Variants in TGFBR3 observed in about 807,000 individuals in gnomAD.
TGFBR3 encodes the protein transforming growth factor beta receptor type 3.
A neutral mutation model predicts 87.9 loss-of-function variants in TGFBR3; 46 were observed. That is an observed-to-expected ratio of 0.52 (90% confidence interval 0.41 to 0.67). TGFBR3 has a LOEUF of 0.67. Among genes scored for constraint, TGFBR3 ranks in the 30% least tolerant of loss-of-function variants. The pLI is 0.00. For missense variants in TGFBR3, 866 were observed against 1,041.9 expected (o/e 0.83, Z 2.32); for synonymous variants, 381 against 391.6 (o/e 0.97, Z 0.32).
In TGFBR3 at chr1:91,726,526, TAA is replaced by T. The variant is rs397861947; in HGVS notation, c.885+1131_885+1132del. On this transcript the variant is annotated intron_variant, in intron 7 of 16. Coordinates refer to ENST00000212355, the MANE Select transcript of TGFBR3 (RefSeq NM_003243.5). Reference sequence around the variant, plus strand: ...GCTCACTGGGATCCTAGCAAAGTTATAAAAAAAAAAAAAACCCACGGGAACCA... The same window carrying T: ...GCTCACTGGGATCCTAGCAAAGTTATAAAAAAAAAAAACCCACGGGAACCA... Among the ~76,000 whole-genome samples the T allele has an allele frequency of 8.4e-3, 1,142 of 136,152 alleles. 9 individuals carry two copies. Among genetic ancestry groups the T allele is most frequent in the Middle Eastern group, 0.029 (8 of 274 alleles). 89.3% of individuals were successfully genotyped at this position (136,152 alleles called of 152,430 possible). A position where few individuals can be genotyped will look rare whatever the true frequency, so the allele number is the denominator to read the frequency against.
intron 5 of TGFBR3, among the ~76,000 whole-genome samples, chr1:91,732,648 T>C (rs1672815742): frequency 5.9e-5 from 9 of 152,082 alleles, no homozygotes; most frequent in Admixed American, 5.9e-4. Context: ...CCAAGGAACC[T>C]CCTTTCCCTA....
At chr1:91,800,702 CAAAA>C (rs60115331) in intron 2 of TGFBR3, among the ~76,000 whole-genome samples, 1 of 135,496 alleles carries the variant, frequency 7.4e-6, no homozygotes, top group Admixed American at 7.4e-5. Context: ...ACCAAAAAGA[CAAAA>C]AAAAAAAATC....
intron 3 of TGFBR3, among the ~76,000 whole-genome samples, chr1:91,781,805 G>C (rs1433265875): frequency 6.6e-6 from 1 of 152,060 alleles, no homozygotes; most frequent in Non-Finnish European, 1.5e-5. Context: ...AAATAGGCTG[G>C]CCTTTTTATT....
chr1:91,695,427 A>G, intron 16 of TGFBR3: 2 of 491,972 alleles, frequency 4.1e-6, no homozygotes, highest in Non-Finnish European at 7.4e-6. Flanking sequence ...AAGTAGCTTT[A>G]TTAGCGGCTA....
intron 1 of TGFBR3, among the ~76,000 whole-genome samples, chr1:91,873,337 C>T (rs1439115274): frequency 7.5e-6 from 1 of 133,502 alleles, no homozygotes; most frequent in Non-Finnish European, 1.5e-5. Context: ...GGCTGTAGTG[C>T]AGTGGCACTA....
At chr1:91,709,813 G>A (rs1006607611) in intron 13 of TGFBR3, among the ~76,000 whole-genome samples, 1 of 152,242 alleles carries the variant, frequency 6.6e-6, no homozygotes, top group South Asian at 2.1e-4. Flanking sequence ...CCAGGCTGGA[G>A]TACAGTGGTA....
intron 1 of TGFBR3, among the ~76,000 whole-genome samples, chr1:91,873,735 T>A (rs1678678818): frequency 6.6e-6 from 1 of 152,006 alleles, no homozygotes; most frequent in African/African-American, 2.4e-5. Flanking sequence ...TCACTTGAGA[T>A]CAGAAATTCA....
At chr1:91,801,874 C>T (rs550661323) in intron 2 of TGFBR3, among the ~76,000 whole-genome samples, 2 of 152,110 alleles carry the variant, frequency 1.3e-5, no homozygotes, top group South Asian at 2.1e-4. Flanking sequence ...ATCCTTTGAC[C>T]CAGCAACTTC....
intron 1 of TGFBR3, among the ~76,000 whole-genome samples, chr1:91,873,283 T>C (rs1274204512): frequency 3.3e-4 from 5 of 15,348 alleles, no homozygotes; most frequent in Non-Finnish European, 9.3e-4. Flanking sequence ...TTTTCCCTTC[T>C]TTTTTTTTTT....
chr1:91,901,933 C>A (rs553698908), intron 1 of TGFBR3, among the ~76,000 whole-genome samples: 111 of 133,066 alleles, frequency 8.3e-4, no homozygotes, highest in African/African-American at 2.8e-3. Flanking sequence ...CTCCCCCACC[C>A]CACCAAAAGA....
intron 2 of TGFBR3, among the ~76,000 whole-genome samples, chr1:91,842,919 G>C (rs1166722212): frequency 2.6e-5 from 4 of 152,172 alleles, no homozygotes; most frequent in African/African-American, 9.7e-5. Context: ...GGGGGGCAGG[G>C]AGAGCACTTC....
chr1:91,708,764 G>A lies in TGFBR3; in HGVS notation c.2186C>T (p.Ala729Val). 6.2e-7 allele frequency: 1 copy of A among 1,613,986 alleles called. No homozygotes were observed. The highest frequency in any genetic ancestry group is 8.5e-7 in the Non-Finnish European group (1 of 1,179,978). ...KLPKCVPPDE[A>V]CTSLDASIIW... ...TATCGAGGCGTCCAGCGAGGTGCAG[G>A]CTTCGTCAGGAGGCACACACTGCAG... Residue 729 changes from alanine (A) to valine (V), a missense_variant, in exon 14 of 17, where the codon GCC (alanine) becomes GTC (valine). Coordinates refer to ENST00000212355, the MANE Select transcript of TGFBR3 (RefSeq NM_003243.5).
At position 91,695,738 on chromosome 1, in the gene TGFBR3, C is replaced by T; in HGVS notation, c.2371G>A (p.Ala791Thr). Residue 791 changes from alanine to threonine, a missense_variant, in exon 16 of 17, where the codon GCG becomes ACG. By Grantham distance (58) the Ala-to-Thr change is moderately conservative. Coordinates refer to ENST00000212355, the MANE Select transcript of TGFBR3 (RefSeq NM_003243.5). ...GLDTLTVMGI[A>T]FAAFVIGALL... ...GCTCCGATCACAAAGGCTGCAAACG[C>T]AATGCCCATCACGGTTAGGGTGTCC... is the stretch of plus-strand genomic sequence containing the variant. 1 of 1,614,146 alleles carries T rather than the reference C, an allele frequency of 6.2e-7. No individual in the cohort carries two copies. The highest frequency in any genetic ancestry group is 8.5e-7 in the Non-Finnish European group (1 of 1,180,022).
chr1:91,711,178 A>C (rs1022796580), intron 13 of TGFBR3, among the ~76,000 whole-genome samples: 14 of 152,244 alleles, frequency 9.2e-5, no homozygotes, highest in African/African-American at 2.4e-5. Flanking sequence ...CTACAAGGCT[A>C]AGGCATCACC....
At chr1:91,857,574 A>G (rs553549871) in intron 2 of TGFBR3, among the ~76,000 whole-genome samples, 1 of 152,234 alleles carries the variant, frequency 6.6e-6, no homozygotes, top group Admixed American at 6.5e-5. Flanking sequence ...CTTGGCTTTC[A>G]CTACACATTC....
At chr1:91,726,631 T>C (rs868185066) in intron 7 of TGFBR3, among the ~76,000 whole-genome samples, 1 of 151,970 alleles carries the variant, frequency 6.6e-6, no homozygotes, top group Non-Finnish European at 1.5e-5. Context: ...TTACATGACG[T>C]TGCCAAGGGA....
chr1:91,827,699 T>C (rs1676694657), intron 2 of TGFBR3, among the ~76,000 whole-genome samples: 1 of 152,218 alleles, frequency 6.6e-6, no homozygotes. Flanking sequence ...AAATGTTTAC[T>C]GAATGACTAC....
At chr1:91,848,299 G>A (rs2101135225) in intron 2 of TGFBR3, among the ~76,000 whole-genome samples, 1 of 152,248 alleles carries the variant, frequency 6.6e-6, no homozygotes, top group South Asian at 2.1e-4. Context: ...CATCTTATGA[G>A]CCTGTTAAAA....
At chr1:91,870,437 C>A (rs1678541452) in intron 1 of TGFBR3, among the ~76,000 whole-genome samples, 2 of 152,154 alleles carry the variant, frequency 1.3e-5, no homozygotes. Context: ...AACGACTGGC[C>A]CAGCTTTACA....
Sources: allele counts gnomAD v4.1 joint callset (sites outside exome capture counted in the v4.1 genomes callset), GRCh38; gene constraint gnomAD v4.1.1; transcripts MANE v1.5; gene names NCBI Gene and HGNC (gene_info 2026-07-23, HGNC 2026-07-21).